UNC80: variants seen among roughly 807,000 people sequenced by gnomAD.
UNC80 encodes the protein protein unc-80 homolog.
UNC80 carries 164 observed loss-of-function variants against 384.6 expected under a neutral mutation model. That is an observed-to-expected ratio of 0.43 (90% CI 0.38 to 0.49). UNC80 has a LOEUF of 0.49. Among genes scored for constraint, UNC80 ranks in the 20% least tolerant of loss-of-function variants. The pLI, the probability that UNC80 is intolerant of heterozygous loss-of-function variation, is 0.00. For synonymous variants in UNC80, 1,486 were observed against 1,527.8 expected (o/e 0.97, Z 0.64); for missense variants, 3,330 against 4,143.0 (o/e 0.80, Z 5.39).
At chr2:209,970,149 C>A (rs943791070) in intron 53 of UNC80, 1 of 428,296 alleles carries the variant, frequency 2.3e-6, no homozygotes, top group Non-Finnish European at 4.1e-6. Flanking sequence ...CTTCAAGTTG[C>A]GCTGAGAGTT....
intron 27 of UNC80, 61 bp downstream of exon 27, chr2:209,894,427 C>A: frequency 1.1e-6 from 1 of 917,384 alleles, no homozygotes; most frequent in Non-Finnish European, 1.3e-6. Flanking sequence ...GCCCAAGTCC[C>A]AAAAGAGCTG....
chr2:209,800,151 T>A (rs2078446149), intron 7 of UNC80, among the ~76,000 whole-genome samples: 1 of 152,146 alleles, frequency 6.6e-6, no homozygotes, highest in African/African-American at 2.4e-5. Flanking sequence ...TACCAGCTCT[T>A]CTTTGTATTT....
At chr2:209,792,844 C>T (rs1239733632) in intron 6 of UNC80, among the ~76,000 whole-genome samples, 1 of 152,146 alleles carries the variant, frequency 6.6e-6, no homozygotes, top group Non-Finnish European at 1.5e-5. Context: ...CTATACTTAC[C>T]TGTCTTGAGA....
At chr2:209,867,304 G>A (rs2083915817) in intron 22 of UNC80, among the ~76,000 whole-genome samples, 1 of 152,144 alleles carries the variant, frequency 6.6e-6, no homozygotes. Context: ...CAAATATGAA[G>A]GTTTGAGAAG....
chr2:209,955,692 AATATAT>A (rs57804600), intron 48 of UNC80, among the ~76,000 whole-genome samples: 3,766 of 50,966 alleles, frequency 0.074, 172 homozygotes, highest in Middle Eastern at 0.14. Flanking sequence ...CTGTATTTCT[AATATAT>A]ATATATATAT....
At chr2:209,955,007 G>A (rs1426623686) in intron 48 of UNC80, among the ~76,000 whole-genome samples, 1 of 152,180 alleles carries the variant, frequency 6.6e-6, no homozygotes, top group Admixed American at 6.5e-5. Flanking sequence ...TAAAATGCAA[G>A]TGGGGAAGGT....
At chr2:209,901,434 G>T (rs1295407392) in intron 28 of UNC80, among the ~76,000 whole-genome samples, 1 of 152,012 alleles carries the variant, frequency 6.6e-6, no homozygotes, top group African/African-American at 2.4e-5. Flanking sequence ...CCACTGTTGA[G>T]ATCTACTGTT....
At chr2:209,991,076 G>C (rs2093382502) in intron 61 of UNC80, among the ~76,000 whole-genome samples, 1 of 152,180 alleles carries the variant, frequency 6.6e-6, no homozygotes, top group African/African-American at 2.4e-5. Context: ...TACTACTGCA[G>C]CTGGGTATTT....
In UNC80 at chr2:209,973,124, T is replaced by C; in HGVS notation, c.8441T>C (p.Leu2814Pro). 2 of 1,551,418 alleles carry C rather than the reference T, an allele frequency of 1.3e-6. No homozygotes were observed. The highest frequency in any genetic ancestry group is 1.7e-6 in the Non-Finnish European group (2 of 1,146,958). Residue 2814 changes from leucine to proline, a missense_variant, in exon 56 of 65, where the codon CTC becomes CCC. Leu to Pro is a moderately conservative substitution (Grantham distance 98). Around this residue, in one of 8 missense-constraint regions of UNC80, gnomAD observed 1,049 missense variants for 1,488.6 expected, o/e 0.70. Transcript: ENST00000673920. ...CTGCTGCAGACAGTCATCAATGTAC[T>C]CCTCCCACCGCGGATCATCAGCACA... The part of the protein sequence containing the change: ...QLLLQTVINV[L>P]LPPRIISTSR...
At chr2:209,881,124 G>C (rs913370441) in intron 25 of UNC80, 30 bp downstream of exon 25, 11 of 1,550,284 alleles carry the variant, frequency 7.1e-6, no homozygotes, top group Non-Finnish European at 4.4e-6. Context: ...TTAATAATCA[G>C]GTTACTCGGA....
chr2:209,805,621 G>A lies in UNC80; in HGVS notation c.939-7959G>A, dbSNP rs910390476. 4.6e-5 allele frequency among the ~76,000 whole-genome samples: 7 copies of A among 152,306 alleles called. No homozygotes were observed. In the East Asian group the frequency reaches 1.4e-3, roughly 29 times the overall value. ...CTCACCATCTGTGTCTCTCCATAGGGCTGCTCATAACATAGAATCTGGTTT... is the reference window on the plus strand; with the variant it reads ...CTCACCATCTGTGTCTCTCCATAGGACTGCTCATAACATAGAATCTGGTTT... On this transcript the variant is annotated intron_variant, in intron 7 of 64. Transcript: ENST00000673920.
intron 7 of UNC80, among the ~76,000 whole-genome samples, chr2:209,804,884 T>C (rs1188700493): frequency 6.6e-6 from 1 of 152,054 alleles, no homozygotes; most frequent in Non-Finnish European, 1.5e-5. Flanking sequence ...AACGGTATTC[T>C]TGGGTATGGC....
intron 6 of UNC80, 79 bp downstream of exon 6, chr2:209,789,684 T>C: frequency 9.7e-7 from 1 of 1,032,408 alleles, no homozygotes; most frequent in South Asian, 1.4e-5. Flanking sequence ...AAGACATGAG[T>C]TCTAGAATCA....
intron 7 of UNC80, among the ~76,000 whole-genome samples, chr2:209,813,270 TA>T (rs2079495037): frequency 6.6e-6 from 1 of 152,192 alleles, no homozygotes; most frequent in South Asian, 2.1e-4. Flanking sequence ...TCGTGGTTTT[TA>T]AAATTCATGC....
intron 31 of UNC80, among the ~76,000 whole-genome samples, chr2:209,914,649 C>CTGTGTGTGTGTGTGTGTG (rs200222549): frequency 7.8e-6 from 1 of 128,406 alleles, no homozygotes; most frequent in African/African-American, 2.8e-5. Flanking sequence ...CTAGGGTAAA[C>CTGTGTGTGTGTGTGTGTG]TGTGTGTGTG....
At chr2:209,820,171 A>T (rs188767895) in intron 12 of UNC80, 140 bp from the exon 13 acceptor site, 1 of 1,297,216 alleles carries the variant, frequency 7.7e-7, no homozygotes, top group Admixed American at 3.4e-5. Flanking sequence ...TTTATAGGAA[A>T]ATTTGACAGT....
chr2:209,903,872 G>T (rs1445415041), intron 28 of UNC80, among the ~76,000 whole-genome samples: 4 of 151,510 alleles, frequency 2.6e-5, no homozygotes, highest in Non-Finnish European at 5.9e-5. Flanking sequence ...ACATCATCTT[G>T]CTTTGTGCTC....
chr2:209,944,554 CAT>C (rs1284059858), intron 45 of UNC80, among the ~76,000 whole-genome samples: 1 of 152,076 alleles, frequency 6.6e-6, no homozygotes, highest in African/African-American at 2.4e-5. Context: ...AGAAGAACAT[CAT>C]AAGGATTTGT....
Position 209,913,836 on chromosome 2 carries a change from T to C in UNC80, c.4925T>C (p.Leu1642Ser). The change falls in exon 31 of 65, where the codon TTA becomes TCA. Residue 1642 changes from leucine to serine, a missense_variant. Physicochemically the swap from Leu to Ser is moderately radical, Grantham distance 145 (BLOSUM62 -2). Coordinates refer to ENST00000673920, the MANE Select transcript of UNC80 (RefSeq NM_001371986.1). Reference sequence around the variant, plus strand: ...TTGTCGCCTGCTCCCTTATCTCTGTTAATCAAGGCAGCACCAATTCTGACA... The same window carrying C: ...TTGTCGCCTGCTCCCTTATCTCTGTCAATCAAGGCAGCACCAATTCTGACA... ...MSLSPAPLSLLIKAAPILTEE... is the reference protein window; with the variant it reads ...MSLSPAPLSLSIKAAPILTEE... The C allele has an allele frequency of 1.9e-6, 3 of 1,551,118 alleles. No individual in the cohort carries two copies. Among genetic ancestry groups the C allele is most frequent in the Non-Finnish European group, 8.7e-7 (1 of 1,146,508 alleles).
Sources: allele counts gnomAD v4.1 joint callset (sites outside exome capture counted in the v4.1 genomes callset), GRCh38; gene constraint gnomAD v4.1.1; regional missense constraint gnomAD v4.1.1; transcripts MANE v1.5; gene names NCBI Gene and HGNC (gene_info 2026-07-23, HGNC 2026-07-21).